Variants in MAPK12 observed in about 807,000 individuals in gnomAD.
MAPK12 encodes mitogen-activated protein kinase 12.
A neutral mutation model predicts 49.1 loss-of-function variants in MAPK12; 49 were observed. The ratio of observed to expected loss-of-function variants is 1.00; its 90% CI spans 0.79 to 1.27. The LOEUF is 1.27. Among genes scored for constraint, MAPK12 ranks in the 50% most tolerant of loss-of-function variants. The pLI, the probability that MAPK12 is intolerant of heterozygous loss-of-function variation, is 0.00. For synonymous variants in MAPK12, 251 were observed against 209.7 expected (o/e 1.20, Z -1.70); for missense variants, 554 against 502.4 (o/e 1.10, Z -0.98).
rs776817643 is a variant in MAPK12 at position 50,261,167 on chromosome 22, G to T, written c.255C>A (p.Asn85Lys). 3.2e-6 allele frequency: 5 copies of T among 1,584,688 alleles called. No homozygotes were observed. The Admixed American group carries it at 5.1e-5, about 16-fold the overall frequency. The change falls in exon 2 of 12, where the codon AAC (asparagine) becomes AAA (lysine). Residue 85 changes from asparagine (N) to lysine (K), a missense_variant and splice_region_variant. Physicochemically the swap from Asn to Lys is moderately conservative, Grantham distance 94. Transcript: ENST00000215659. ...CCCGGAGCGGGGCCGCGCGACTCAC[G>T]TTCTCGTGGCGCATGTGCTTGAGCA... ...LRLLKHMRHENVIGLLDVFTP... is the reference protein window; with the variant it reads ...LRLLKHMRHEKVIGLLDVFTP...
chr22:50,254,937 T>A, intron 11 of MAPK12: 1 of 1,368,584 alleles, frequency 7.3e-7, no homozygotes, highest in Non-Finnish European at 9.5e-7. Flanking sequence ...AGAGGTCATC[T>A]CCACCAGGCC....
At position 50,258,303 on chromosome 22, in the gene MAPK12, TG is replaced by T. The variant is rs778558556; in HGVS notation, c.256-3del. The T allele has an allele frequency of 5.0e-6, 8 of 1,612,712 alleles. No homozygotes were observed. The highest frequency in any genetic ancestry group is 1.7e-5 in the Admixed American group (1 of 60,018). On this transcript the variant is annotated splice_polypyrimidine_tract_variant and splice_region_variant and intron_variant, in intron 2 of 11. Coordinates refer to ENST00000215659, the MANE Select transcript of MAPK12 (RefSeq NM_002969.6). ...GAATACGTCCAGCAGCCCGATCACC[TG>T]GGGGGGCCACATAGGGTTGAGAATG...
intron 2 of MAPK12, 156 bp downstream of exon 2, chr22:50,261,011 G>A (rs896486760): frequency 6.0e-6 from 5 of 826,804 alleles, no homozygotes; most frequent in Non-Finnish European, 6.9e-6. Flanking sequence ...GGAGAGACAG[G>A]CCTTGCTCTC....
intron 2 of MAPK12, among the ~76,000 whole-genome samples, chr22:50,258,840 G>A (rs888842348): frequency 2.0e-5 from 3 of 152,362 alleles, no homozygotes; most frequent in African/African-American, 4.8e-5. Flanking sequence ...GGGAGGCCTG[G>A]AGTTTTGCAC....
At chr22:50,261,330 C>A in intron 1 of MAPK12, 34 bp from the exon 2 acceptor site, 1 of 1,244,048 alleles carries the variant, frequency 8.0e-7, no homozygotes, top group Non-Finnish European at 1.0e-6. Flanking sequence ...GAAGGCCGGG[C>A]ACCCCGCGCA....
At chr22:50,257,257 C>T in intron 3 of MAPK12, 64 bp from the exon 4 acceptor site, 1 of 1,334,966 alleles carries the variant, frequency 7.5e-7, no homozygotes, top group South Asian at 1.2e-5. Flanking sequence ...GAGACCCACC[C>T]AGCAGGCCCA....
intron 3 of MAPK12, chr22:50,257,753 G>A: frequency 5.9e-6 from 4 of 673,096 alleles, no homozygotes; most frequent in Non-Finnish European, 1.1e-5. Context: ...GGAGGCGCCT[G>A]CTACCCTCTC....
chr22:50,256,845 A>G, intron 5 of MAPK12, 90 bp downstream of exon 5: 1 of 1,555,660 alleles, frequency 6.4e-7, no homozygotes, highest in Non-Finnish European at 8.7e-7. Context: ...CTCAGCACCC[A>G]GACCCCATCA....
intron 2 of MAPK12, among the ~76,000 whole-genome samples, chr22:50,260,371 C>G (rs1476567038): frequency 6.6e-6 from 1 of 151,922 alleles, no homozygotes; most frequent in Admixed American, 6.6e-5. Flanking sequence ...CACCAGCCCT[C>G]AGGCTGGGCC....
intron 10 of MAPK12, 34 bp from the exon 11 acceptor site, chr22:50,255,404 G>A (rs1476016840): frequency 6.2e-7 from 1 of 1,612,800 alleles, no homozygotes; most frequent in South Asian, 1.1e-5. Context: ...CAGACCACGG[G>A]AGGCCCCACA....
At chr22:50,253,502 G>GGGGGGGGGGGGGGAC in intron 11 of MAPK12, 22 bp from the exon 12 acceptor site, 1 of 171,686 alleles carries the variant, frequency 5.8e-6, no homozygotes, top group Non-Finnish European at 1.1e-5. Context: ...GGGGGGGCGG[G>GGGGGGGGGGGGGGAC]CACAACAGAG....
intron 6 of MAPK12, 43 bp from the exon 7 acceptor site, chr22:50,256,242 G>A (rs2065149253): frequency 2.0e-6 from 3 of 1,469,392 alleles, no homozygotes; most frequent in Middle Eastern, 1.8e-4. Flanking sequence ...GGACTCCCAA[G>A]GAGCGGACAG....
At chr22:50,258,666 G>A (rs1320414652) in intron 2 of MAPK12, among the ~76,000 whole-genome samples, 1 of 152,276 alleles carries the variant, frequency 6.6e-6, no homozygotes, top group Non-Finnish European at 1.5e-5. Context: ...GGCCCAGGGT[G>A]GGGACAGCGC....
chr22:50,254,607 G>A (rs923092412), intron 11 of MAPK12: 77 of 977,198 alleles, frequency 7.9e-5, no homozygotes, highest in Non-Finnish European at 8.9e-5. Context: ...AGTCAAGATC[G>A]TGCCACTGCC....
At chr22:50,259,081 G>A (rs1401940522) in intron 2 of MAPK12, among the ~76,000 whole-genome samples, 12 of 152,218 alleles carry the variant, frequency 7.9e-5, no homozygotes, top group Admixed American at 6.5e-4. Context: ...AGACGGGGAC[G>A]ATTTAAATGG....
At position 50,261,348 on chromosome 22, in the gene MAPK12, C is replaced by CCCGCCCCGCCGG. The variant is rs771441777; in HGVS notation, c.125+25_125+36dup. 9.7e-6 allele frequency: 11 copies of CCCGCCCCGCCGG among 1,135,530 alleles called. No individual in the cohort carries two copies. In the African/African-American group the frequency reaches 1.3e-4, roughly 14 times the overall value. The allele number at this position is 1,135,530 out of a possible 1,614,324, so 70.3% of individuals were successfully genotyped here. A position where few individuals can be genotyped will look rare whatever the true frequency, so the allele number is the denominator to read the frequency against. ...GGCCGGGCACCCCGCGCAGGCCCCG[C>CCCGCCCCGCCGG]CCGCCCCGCCGGCCGCCCCGCCCGG... On this transcript the variant is annotated intron_variant, in intron 1 of 11. Transcript: ENST00000215659.
chr22:50,261,378 C>A lies in MAPK12; in HGVS notation c.125+7G>T. The A allele has an allele frequency of 1.0e-5, 12 of 1,181,580 alleles. No homozygotes were observed. Among genetic ancestry groups the A allele is most frequent in the Non-Finnish European group, 1.3e-5 (12 of 943,174 alleles). The allele number at this position is 1,181,580 out of a possible 1,614,324, so 73.2% of individuals were successfully genotyped here. On this transcript the variant is annotated splice_region_variant and intron_variant, in intron 1 of 11. Coordinates refer to ENST00000215659, the MANE Select transcript of MAPK12 (RefSeq NM_002969.6). Reference sequence around the variant, plus strand: ...CCCGCCGGCCGCCCCGCCCGGCCCGCGCTCACCACACCGCGCCGTAGGCGC... The same window carrying A: ...CCCGCCGGCCGCCCCGCCCGGCCCGAGCTCACCACACCGCGCCGTAGGCGC...
intron 11 of MAPK12, chr22:50,253,799 G>T: frequency 2.4e-6 from 1 of 419,606 alleles, no homozygotes; most frequent in South Asian, 2.7e-5. Context: ...TATCTTTCTA[G>T]CAGCAGAAAC....
intron 5 of MAPK12, 51 bp downstream of exon 5, chr22:50,256,884 G>A: frequency 6.3e-7 from 1 of 1,591,938 alleles, no homozygotes; most frequent in Non-Finnish European, 8.6e-7. Flanking sequence ...GTGGAGGCGG[G>A]GGGATTGCAC....
Sources: gnomAD v4.1 joint callset for allele counts (sites outside exome capture counted in the v4.1 genomes callset) on GRCh38, gnomAD v4.1.1 for gene constraint, MANE v1.5 for transcripts, NCBI Gene and HGNC (gene_info 2026-07-23, HGNC 2026-07-21) for gene names.